Variants in GRB14 observed in about 807,000 individuals in gnomAD.
GRB14 encodes the protein growth factor receptor bound protein 14.
Under a neutral mutation model 69.1 loss-of-function variants are expected in GRB14, and 38 were observed. That is an observed-to-expected ratio of 0.55 (90% CI 0.42 to 0.72). The LOEUF (loss-of-function observed/expected upper bound fraction) is 0.72. GRB14 is among the 30% of genes least tolerant of loss of function. The pLI, the probability that GRB14 is intolerant of heterozygous loss-of-function variation, is 0.00. For missense variants in GRB14, 666 were observed against 666.1 expected (o/e 1.00, Z 0.00); for synonymous variants, 247 against 241.3 (o/e 1.02, Z -0.22).
Position 164,609,892 on chromosome 2 carries a change from C to T in GRB14, c.324+9795G>A, listed in dbSNP as rs1690127118. Among the ~76,000 whole-genome samples, 3 of 152,146 alleles carry T rather than the reference C, an allele frequency of 2.0e-5. No individual in the cohort carries two copies. The South Asian group carries it at 6.2e-4, about 32-fold the overall frequency. ...AAAATATTTCAACACTGGTCAAAAT[C>T]CTCATTTCCACCATGATTCACCCTT... On this transcript the variant is annotated intron_variant, in intron 2 of 13. Coordinates refer to ENST00000263915, the MANE Select transcript of GRB14 (RefSeq NM_004490.3).
chr2:164,587,966 AT>A (rs1442251895), intron 2 of GRB14, among the ~76,000 whole-genome samples: 2 of 152,184 alleles, frequency 1.3e-5, no homozygotes, highest in Admixed American at 1.3e-4. Flanking sequence ...TGAAATAAAC[AT>A]GTGGTTCTAA....
intron 2 of GRB14, among the ~76,000 whole-genome samples, chr2:164,599,897 C>T (rs1446730407): frequency 1.3e-5 from 2 of 152,130 alleles, no homozygotes; most frequent in Non-Finnish European, 2.9e-5. Context: ...AGAAGAGATG[C>T]TACTTAGAGC....
intron 2 of GRB14, among the ~76,000 whole-genome samples, chr2:164,598,062 C>G (rs531671482): frequency 4.6e-5 from 7 of 152,118 alleles, no homozygotes; most frequent in Admixed American, 1.3e-4. Context: ...ACCCTAGAAC[C>G]TTCTCTCCCT....
chr2:164,612,357 T>C (rs1317333322), intron 2 of GRB14, among the ~76,000 whole-genome samples: 2 of 152,244 alleles, frequency 1.3e-5, no homozygotes, highest in African/African-American at 4.8e-5. Flanking sequence ...TGTGTTTATT[T>C]TTTCTGTGGC....
chr2:164,592,937 T>C (rs932481219), intron 2 of GRB14, among the ~76,000 whole-genome samples: 1 of 152,216 alleles, frequency 6.6e-6, no homozygotes, highest in Non-Finnish European at 1.5e-5. Context: ...TCATTCCCCA[T>C]GATAAGCCTT....
chr2:164,568,676 A>T (rs1329122420), intron 2 of GRB14, among the ~76,000 whole-genome samples: 1 of 152,176 alleles, frequency 6.6e-6, no homozygotes, highest in Non-Finnish European at 1.5e-5. Flanking sequence ...TAGTTCGCTC[A>T]ACTTTTTTTC....
At chr2:164,606,400 T>C (rs989800884) in intron 2 of GRB14, among the ~76,000 whole-genome samples, 2 of 152,226 alleles carry the variant, frequency 1.3e-5, no homozygotes, top group African/African-American at 4.8e-5. Context: ...TCAGATATCA[T>C]GGAACTTGGC....
At chr2:164,550,708 G>A (rs1040472590) in intron 2 of GRB14, among the ~76,000 whole-genome samples, 5 of 151,542 alleles carry the variant, frequency 3.3e-5, no homozygotes, top group African/African-American at 1.2e-4. Context: ...TCATTCTATT[G>A]ACCTAAACAT....
At chr2:164,515,742 G>C (rs1056396566) in intron 6 of GRB14, among the ~76,000 whole-genome samples, 1 of 147,590 alleles carries the variant, frequency 6.8e-6, no homozygotes, top group Non-Finnish European at 1.5e-5. Flanking sequence ...AAAGAATTTA[G>C]AAGATTGATT....
intron 6 of GRB14, 112 bp from the exon 7 acceptor site, chr2:164,508,964 T>C (rs1687268392): frequency 1.9e-6 from 1 of 517,198 alleles, no homozygotes; most frequent in African/African-American, 2.0e-5. Flanking sequence ...AGAAGTTCAA[T>C]ATGATGCCAC....
intron 2 of GRB14, chr2:164,573,722 A>G (rs1689174751): frequency 6.2e-7 from 1 of 1,602,792 alleles, no homozygotes; most frequent in Non-Finnish European, 8.5e-7. Context: ...TATTCTAATT[A>G]AGTTTCTTCT....
At chr2:164,575,755 T>C (rs1004405311) in intron 2 of GRB14, among the ~76,000 whole-genome samples, 3 of 152,236 alleles carry the variant, frequency 2.0e-5, no homozygotes, top group African/African-American at 7.2e-5. Context: ...TTAAGAACTT[T>C]CCTACAGTTA....
intron 2 of GRB14, among the ~76,000 whole-genome samples, chr2:164,549,794 G>A (rs1688483218): frequency 1.3e-5 from 2 of 151,866 alleles, no homozygotes; most frequent in Admixed American, 1.3e-4. Flanking sequence ...AACCTGGGAG[G>A]CGGAGGTTGC....
chr2:164,592,057 C>T (rs1689678538), intron 2 of GRB14, among the ~76,000 whole-genome samples: 1 of 152,088 alleles, frequency 6.6e-6, no homozygotes, highest in African/African-American at 2.4e-5. Context: ...ATTGCGAGGC[C>T]TCTCTAGCCA....
chr2:164,574,174 T>TC, intron 2 of GRB14: 1 of 598,944 alleles, frequency 1.7e-6, no homozygotes, highest in Non-Finnish European at 3.0e-6. Flanking sequence ...GCTGATCTGA[T>TC]CCACCACTAG....
chr2:164,609,613 C>T (rs1690120549), intron 2 of GRB14, among the ~76,000 whole-genome samples: 1 of 152,086 alleles, frequency 6.6e-6, no homozygotes. Context: ...AAATTCAGTG[C>T]TTTTATAGTA....
chr2:164,529,342 G>A (rs764033046), intron 3 of GRB14, among the ~76,000 whole-genome samples: 16 of 152,110 alleles, frequency 1.1e-4, no homozygotes, highest in African/African-American at 3.6e-4. Flanking sequence ...ATGGCCAGTC[G>A]TGATGGTTGC....
chr2:164,557,442 T>C (rs1574306535), intron 2 of GRB14, among the ~76,000 whole-genome samples: 1 of 152,356 alleles, frequency 6.6e-6, no homozygotes, highest in East Asian at 1.9e-4. Flanking sequence ...TGTTATTTAA[T>C]AATAAAAATG....
intron 2 of GRB14, among the ~76,000 whole-genome samples, chr2:164,611,352 T>G (rs1690162824): frequency 6.6e-6 from 1 of 151,998 alleles, no homozygotes; most frequent in Non-Finnish European, 1.5e-5. Context: ...ATGGCTAAAT[T>G]AGGATGGTGG....
Sources: gnomAD v4.1 joint callset for allele counts (sites outside exome capture counted in the v4.1 genomes callset) on GRCh38, gnomAD v4.1.1 for gene constraint, MANE v1.5 for transcripts, NCBI Gene and HGNC (gene_info 2026-07-23, HGNC 2026-07-21) for gene names.